Variants in KCNMA1 observed in about 807,000 individuals in gnomAD.
KCNMA1 encodes Calcium-activated potassium channel subunit alpha-1.
Under a neutral mutation model 140.0 loss-of-function variants are expected in KCNMA1, and 29 were observed. The observed-to-expected ratio is 0.21, with a 90% CI of 0.15 to 0.28. KCNMA1 has a LOEUF of 0.28. KCNMA1 is among the 10% of genes least tolerant of loss of function. The pLI is 1.00. For missense variants in KCNMA1, 880 were observed against 1,602.2 expected (o/e 0.55, Z 7.70); for synonymous variants, 612 against 611.9 (o/e 1.00, Z 0.00).
intron 19 of KCNMA1, among the ~76,000 whole-genome samples, chr10:76,986,892 G>A (rs778552940): frequency 5.3e-5 from 8 of 152,086 alleles, no homozygotes; most frequent in African/African-American, 1.2e-4. Flanking sequence ...CAGAAACAAC[G>A]GAACAAATGT....
chr10:77,252,875 C>T (rs1211210664), intron 2 of KCNMA1, among the ~76,000 whole-genome samples: 1 of 151,674 alleles, frequency 6.6e-6, no homozygotes, highest in Admixed American at 6.6e-5. Flanking sequence ...TTTCATTCTG[C>T]CATTTAAAAA....
downstream of KCNMA1, chr10:76,874,362 G>A (rs977171620): frequency 6.6e-6 from 1 of 152,338 alleles, no homozygotes; most frequent in Admixed American, 6.5e-5. Flanking sequence ...AGGAGAAGCA[G>A]CCACTCCCAT....
intron 3 of KCNMA1, among the ~76,000 whole-genome samples, chr10:77,191,573 T>C (rs1245023905): frequency 6.6e-6 from 1 of 152,156 alleles, no homozygotes; most frequent in Non-Finnish European, 1.5e-5. Flanking sequence ...TTGTGTAGTT[T>C]TTAGTTTTAC....
intron 1 of KCNMA1, among the ~76,000 whole-genome samples, chr10:77,438,790 G>A (rs897984132): frequency 4.0e-5 from 6 of 151,882 alleles, no homozygotes; most frequent in South Asian, 2.1e-4. Context: ...AAACAAGGCC[G>A]AGTGTAGTGG....
chr10:77,065,371 C>T (rs1178013409), intron 14 of KCNMA1, among the ~76,000 whole-genome samples: 1 of 152,094 alleles, frequency 6.6e-6, no homozygotes, highest in Non-Finnish European at 1.5e-5. Context: ...CTTCATCCCC[C>T]AATGAAGCTG....
At chr10:77,302,554 T>C (rs758257934) in intron 2 of KCNMA1, among the ~76,000 whole-genome samples, 51 of 152,270 alleles carry the variant, frequency 3.3e-4, no homozygotes, top group Middle Eastern at 3.4e-3. Flanking sequence ...CAATTTCTTG[T>C]CCCACATTCA....
At chr10:77,339,328 C>T (rs192735080) in intron 2 of KCNMA1, among the ~76,000 whole-genome samples, 1 of 152,166 alleles carries the variant, frequency 6.6e-6, no homozygotes, top group Admixed American at 6.5e-5. Context: ...CCTCCACCGC[C>T]TTCCCAGCCT....
chr10:77,615,658 G>A (rs76939640), intron 1 of KCNMA1, among the ~76,000 whole-genome samples: 6,649 of 151,842 alleles, frequency 0.044, 460 homozygotes, highest in African/African-American at 0.15. Context: ...CCTCTCCCTC[G>A]TCCTTCCTAT....
chr10:77,246,734 G>C lies in KCNMA1; in HGVS notation c.602+4461C>G, dbSNP rs184525185. ...ACAAACTAATAAATGAATACAAAAT[G>C]AATAAATGGGTGAGTGGATGCAAAA... On this transcript the variant is annotated intron_variant, in intron 3 of 27. Transcript: ENST00000286628. 2.5e-4 allele frequency among the ~76,000 whole-genome samples: 38 copies of C among 152,296 alleles called. No homozygotes were observed. The East Asian group carries it at 7.3e-3, about 29-fold the overall frequency.
At chr10:77,181,098 G>T (rs1421979467) in intron 5 of KCNMA1, among the ~76,000 whole-genome samples, 2 of 152,154 alleles carry the variant, frequency 1.3e-5, no homozygotes, top group African/African-American at 4.8e-5. Flanking sequence ...TCACCAGGGA[G>T]CCCTTCCATC....
At chr10:77,334,476 C>A (rs1411739706) in intron 2 of KCNMA1, among the ~76,000 whole-genome samples, 1 of 152,134 alleles carries the variant, frequency 6.6e-6, no homozygotes, top group Admixed American at 6.6e-5. Context: ...CCCAACATAC[C>A]ATTTGAGCTT....
intron 3 of KCNMA1, among the ~76,000 whole-genome samples, chr10:77,222,680 A>T (rs914561340): frequency 6.6e-6 from 1 of 152,236 alleles, no homozygotes; most frequent in Non-Finnish European, 1.5e-5. Flanking sequence ...TATGGGCTAG[A>T]TTCCTGATTC....
intron 20 of KCNMA1, among the ~76,000 whole-genome samples, chr10:76,962,855 C>A (rs2153076495): frequency 6.6e-6 from 1 of 152,296 alleles, no homozygotes; most frequent in Middle Eastern, 3.4e-3. Context: ...CTCAGCAAAC[C>A]TTTCGTGGAG....
intron 9 of KCNMA1, among the ~76,000 whole-genome samples, chr10:77,093,840 C>T (rs961734316): frequency 6.6e-6 from 1 of 152,158 alleles, no homozygotes; most frequent in Non-Finnish European, 1.5e-5. Flanking sequence ...AAAAAGATCC[C>T]CATCCAAAGT....
intron 2 of KCNMA1, among the ~76,000 whole-genome samples, chr10:77,255,338 G>C (rs1192183651): frequency 1.3e-5 from 2 of 152,142 alleles, no homozygotes; most frequent in African/African-American, 4.8e-5. Flanking sequence ...AGTGGCTCAT[G>C]CCTGTAATCC....
intron 1 of KCNMA1, among the ~76,000 whole-genome samples, chr10:77,520,160 A>AGTGTGAGGTCTGGGG (rs1567298029): frequency 4.5e-4 from 1 of 2,198 alleles, no homozygotes; most frequent in Non-Finnish European, 9.8e-4. Flanking sequence ...GAGGTCTGGC[A>AGTGTGAGGTCTGGGG]TATGCAGTGT....
intron 1 of KCNMA1, among the ~76,000 whole-genome samples, chr10:77,505,449 C>A (rs531417431): frequency 2.0e-5 from 3 of 152,284 alleles, no homozygotes; most frequent in South Asian, 4.1e-4. Context: ...ACAGAAGATA[C>A]AAAAGATTAG....
intron 5 of KCNMA1, among the ~76,000 whole-genome samples, chr10:77,126,719 C>T (rs1214765161): frequency 8.6e-5 from 1 of 11,646 alleles, no homozygotes; most frequent in South Asian, 4.6e-3. Context: ...TGCCCCCCAC[C>T]CCCCCACCCC....
intron 2 of KCNMA1, among the ~76,000 whole-genome samples, chr10:77,276,392 C>T (rs1197920901): frequency 1.3e-5 from 2 of 152,202 alleles, no homozygotes; most frequent in African/African-American, 4.8e-5. Flanking sequence ...GTGCCTCCCA[C>T]AGCAAAGGGC....
Sources: gnomAD v4.1 joint callset for allele counts (sites outside exome capture counted in the v4.1 genomes callset) on GRCh38, gnomAD v4.1.1 for gene constraint, MANE v1.5 for transcripts, NCBI Gene and HGNC (gene_info 2026-07-23, HGNC 2026-07-21) for gene names.